The following CDK14 variants were observed in gnomAD, a reference collection of about 807,000 sequenced individuals.
CDK14 encodes cyclin-dependent kinase 14.
In CDK14, 34 loss-of-function variants were observed where a neutral mutation model predicts 60.7. The ratio of observed to expected loss-of-function variants is 0.56; its 90% CI spans 0.43 to 0.75. The LOEUF (loss-of-function observed/expected upper bound fraction) is 0.75. Ranked by LOEUF, CDK14 falls within the 30% of genes least tolerant of loss-of-function variation. The probability of loss-of-function intolerance (pLI) is 0.00; values close to 1 mark genes in which losing one functional copy is unlikely to be tolerated. For synonymous variants in CDK14, 197 were observed against 203.7 expected (o/e 0.97, Z 0.28); for missense variants, 482 against 564.1 (o/e 0.85, Z 1.47).
chr7:90,910,759 A>G (rs1364459728), intron 7 of CDK14, among the ~76,000 whole-genome samples: 2 of 152,132 alleles, frequency 1.3e-5, no homozygotes, highest in African/African-American at 4.8e-5. Flanking sequence ...TGGCCAATTC[A>G]CTTAATTCCT....
chr7:91,201,523 C>G (rs1802724822), intron 14 of CDK14, among the ~76,000 whole-genome samples: 1 of 150,426 alleles, frequency 6.6e-6, no homozygotes, highest in African/African-American at 2.5e-5. Context: ...AAGGGCAATG[C>G]AGCAGGAAAA....
At chr7:91,087,553 A>C (rs550431634) in intron 12 of CDK14, among the ~76,000 whole-genome samples, 11 of 152,280 alleles carry the variant, frequency 7.2e-5, no homozygotes, top group African/African-American at 2.6e-4. Context: ...TGGCAGGATT[A>C]TTGTTTAATC....
intron 2 of CDK14, among the ~76,000 whole-genome samples, chr7:90,689,167 T>C (rs1584795092): frequency 1.3e-5 from 2 of 152,162 alleles, no homozygotes; most frequent in Admixed American, 6.6e-5. Flanking sequence ...TAAGCAGATA[T>C]GGCTGAATGT....
intron 5 of CDK14, among the ~76,000 whole-genome samples, chr7:90,849,146 C>T (rs1280642940): frequency 6.6e-6 from 1 of 152,082 alleles, no homozygotes; most frequent in Non-Finnish European, 1.5e-5. Context: ...TCATGAATGG[C>T]TTGGTGCTCT....
chr7:90,765,610 T>TTTA (rs1049263901), intron 4 of CDK14, among the ~76,000 whole-genome samples: 23 of 151,956 alleles, frequency 1.5e-4, no homozygotes, highest in African/African-American at 4.6e-4. Context: ...AGGTTTTTTT[T>TTTA]TTTTTTAAGA....
At chr7:90,926,222 G>A (rs1241983182) in intron 8 of CDK14, among the ~76,000 whole-genome samples, 2 of 152,110 alleles carry the variant, frequency 1.3e-5, no homozygotes, top group Admixed American at 1.3e-4. Flanking sequence ...AGCCATGCTG[G>A]TCTGATGACC....
At chr7:91,173,254 G>A (rs1162727008) in intron 14 of CDK14, among the ~76,000 whole-genome samples, 1 of 152,164 alleles carries the variant, frequency 6.6e-6, no homozygotes, top group East Asian at 1.9e-4. Flanking sequence ...AAGTTGGGGA[G>A]AAGAGAAGTC....
At chr7:90,905,892 T>A (rs1792680518) in intron 7 of CDK14, among the ~76,000 whole-genome samples, 1 of 152,168 alleles carries the variant, frequency 6.6e-6, no homozygotes, top group Non-Finnish European at 1.5e-5. Context: ...GGCATCTGAA[T>A]TGCAGTGCAT....
intron 10 of CDK14, among the ~76,000 whole-genome samples, chr7:91,044,170 C>T (rs944423129): frequency 1.3e-5 from 2 of 152,106 alleles, no homozygotes; most frequent in African/African-American, 4.8e-5. Context: ...TGCATTTTAG[C>T]GAAACATGCG....
intron 2 of CDK14, among the ~76,000 whole-genome samples, chr7:90,705,067 G>A (rs1801868793): frequency 6.6e-6 from 1 of 151,726 alleles, no homozygotes; most frequent in South Asian, 2.1e-4. Flanking sequence ...GTATTTGCTA[G>A]GGTTATATGG....
intron 5 of CDK14, among the ~76,000 whole-genome samples, chr7:90,818,003 T>C (rs564944618): frequency 6.6e-6 from 1 of 152,302 alleles, no homozygotes; most frequent in East Asian, 1.9e-4. Flanking sequence ...CATCTGACTC[T>C]TAAAGCACAG....
intron 4 of CDK14, among the ~76,000 whole-genome samples, chr7:90,776,602 A>T (rs548974917): frequency 3.0e-4 from 45 of 152,152 alleles, no homozygotes; most frequent in Non-Finnish European, 5.1e-4. Flanking sequence ...GCAAGCACTC[A>T]CCTCCTGATA....
intron 14 of CDK14, among the ~76,000 whole-genome samples, chr7:91,172,314 A>C (rs1801545846): frequency 6.6e-6 from 1 of 152,146 alleles, no homozygotes; most frequent in African/African-American, 2.4e-5. Flanking sequence ...ACCAGACATT[A>C]AGTGAGCCAC....
chr7:91,044,450 C>G (rs1400300212), intron 10 of CDK14, among the ~76,000 whole-genome samples: 1 of 152,164 alleles, frequency 6.6e-6, no homozygotes, highest in African/African-American at 2.4e-5. Flanking sequence ...ATGTTTCTTA[C>G]ATTTACAGAC....
intron 8 of CDK14, among the ~76,000 whole-genome samples, chr7:90,952,813 T>C (rs139753327): frequency 8.5e-5 from 13 of 152,326 alleles, no homozygotes; most frequent in Admixed American, 3.3e-4. Flanking sequence ...TCACACATGC[T>C]GTGCTAATTA....
At chr7:90,790,436 C>G in intron 4 of CDK14, 137 bp from the exon 5 acceptor site, 1 of 524,480 alleles carries the variant, frequency 1.9e-6, no homozygotes. Flanking sequence ...CGAAACCTTG[C>G]TTTGGTGGTA....
At chr7:90,942,570 T>C (rs1417547940) in intron 8 of CDK14, among the ~76,000 whole-genome samples, 1 of 152,172 alleles carries the variant, frequency 6.6e-6, no homozygotes, top group African/African-American at 2.4e-5. Flanking sequence ...CTTTGGAGGA[T>C]GAATAGCTTT....
intron 5 of CDK14, among the ~76,000 whole-genome samples, chr7:90,798,348 G>C (rs1182739849): frequency 6.6e-6 from 1 of 151,996 alleles, no homozygotes; most frequent in Non-Finnish European, 1.5e-5. Flanking sequence ...TCATTGCTTA[G>C]CCTTTCCCCA....
chr7:90,981,206 C>T (rs773377124), intron 9 of CDK14, among the ~76,000 whole-genome samples: 1 of 152,082 alleles, frequency 6.6e-6, no homozygotes, highest in Non-Finnish European at 1.5e-5. Flanking sequence ...GGAAAGCCAC[C>T]GTACTAAAAA....
Sources: allele counts gnomAD v4.1 joint callset (sites outside exome capture counted in the v4.1 genomes callset), GRCh38; gene constraint gnomAD v4.1.1; transcripts MANE v1.5; gene names NCBI Gene and HGNC (gene_info 2026-07-23, HGNC 2026-07-21).